The following PTPRD variants were observed in gnomAD, a reference collection of about 807,000 sequenced individuals.
PTPRD encodes the protein receptor-type tyrosine-protein phosphatase delta.
In PTPRD, 34 loss-of-function variants were observed where a neutral mutation model predicts 214.5. The observed-to-expected ratio is 0.16, with a 90% CI of 0.12 to 0.21. The LOEUF is 0.21. Among genes scored for constraint, PTPRD ranks in the 10% least tolerant of loss-of-function variants. The probability of loss-of-function intolerance (pLI) is 1.00; values close to 1 mark genes in which losing one functional copy is unlikely to be tolerated. For missense variants in PTPRD, 2,545 were observed against 2,398.7 expected (o/e 1.06, Z -1.27); for synonymous variants, 1,128 against 845.7 (o/e 1.33, Z -5.79).
intron 5 of PTPRD, among the ~76,000 whole-genome samples, chr9:9,824,073 T>A (rs2051792318): frequency 6.6e-6 from 1 of 151,974 alleles, no homozygotes. Context: ...TTATTAAAAA[T>A]ATTATATAAA....
intron 12 of PTPRD, among the ~76,000 whole-genome samples, chr9:8,708,685 A>C (rs2098262221): frequency 7.0e-6 from 1 of 142,928 alleles, no homozygotes; most frequent in South Asian, 2.4e-4. Context: ...GTCTCAAAAA[A>C]AAAAAAAAAA....
At chr9:10,391,326 A>G (rs10809082) in intron 2 of PTPRD, among the ~76,000 whole-genome samples, 129,438 of 151,586 alleles carry the variant, frequency 0.85, 55,272 homozygotes, top group East Asian at 0.89. Flanking sequence ...AAAATCTGAC[A>G]GTTTTCTTTT....
chr9:9,735,224 G>A (rs2098272279), intron 6 of PTPRD, among the ~76,000 whole-genome samples: 1 of 152,082 alleles, frequency 6.6e-6, no homozygotes, highest in Admixed American at 6.6e-5. Context: ...TATAAATGTT[G>A]TCTTGTGTAA....
intron 2 of PTPRD, among the ~76,000 whole-genome samples, chr9:10,511,922 A>G (rs2048218383): frequency 8.2e-6 from 1 of 121,380 alleles, no homozygotes; most frequent in Non-Finnish European, 1.8e-5. Flanking sequence ...ATACGTGTAT[A>G]TATATATACG....
At chr9:9,068,779 T>A (rs2099739327) in intron 10 of PTPRD, among the ~76,000 whole-genome samples, 2 of 152,126 alleles carry the variant, frequency 1.3e-5, no homozygotes, top group Non-Finnish European at 2.9e-5. Flanking sequence ...ACCTAGCTAA[T>A]TTTTGTATTT....
chr9:9,851,375 T>G (rs925460523), intron 5 of PTPRD, among the ~76,000 whole-genome samples: 5 of 152,188 alleles, frequency 3.3e-5, no homozygotes, highest in African/African-American at 7.2e-5. Context: ...CTGTTATATC[T>G]GTTCCATTGA....
intron 2 of PTPRD, among the ~76,000 whole-genome samples, chr9:10,386,214 G>C (rs1228920022): frequency 6.6e-6 from 1 of 151,782 alleles, no homozygotes; most frequent in Non-Finnish European, 1.5e-5. Flanking sequence ...ATGGCAGGTG[G>C]AAGAACCACC....
intron 3 of PTPRD, among the ~76,000 whole-genome samples, chr9:10,308,969 G>A (rs1433652414): frequency 6.6e-6 from 1 of 151,800 alleles, no homozygotes; most frequent in Non-Finnish European, 1.5e-5. Flanking sequence ...TATATTATGG[G>A]GCAAAATCCT....
chr9:9,395,881 CATT>C (rs2067605101), intron 9 of PTPRD, among the ~76,000 whole-genome samples: 1 of 152,068 alleles, frequency 6.6e-6, no homozygotes, highest in Non-Finnish European at 1.5e-5. Flanking sequence ...CCCCCACAAC[CATT>C]GTTGTTGCTT....
At chr9:10,088,449 G>A (rs1344152893) in intron 3 of PTPRD, among the ~76,000 whole-genome samples, 4 of 151,656 alleles carry the variant, frequency 2.6e-5, no homozygotes, top group Admixed American at 1.3e-4. Context: ...TTAGTGTTAG[G>A]ATCCTCTTAG....
At chr9:10,112,637 G>A (rs781068724) in intron 3 of PTPRD, among the ~76,000 whole-genome samples, 26 of 152,170 alleles carry the variant, frequency 1.7e-4, no homozygotes, top group Non-Finnish European at 3.5e-4. Flanking sequence ...CTCAGATAAA[G>A]TTAATTTGTT....
chr9:8,354,100 A>C (rs1322671471), intron 39 of PTPRD, among the ~76,000 whole-genome samples: 1 of 151,366 alleles, frequency 6.6e-6, no homozygotes, highest in Admixed American at 6.6e-5. Context: ...TTATTACATA[A>C]TAAATTGAAA....
intron 7 of PTPRD, among the ~76,000 whole-genome samples, chr9:9,623,501 T>C (rs944674914): frequency 2.0e-5 from 3 of 152,194 alleles, no homozygotes; most frequent in East Asian, 1.9e-4. Context: ...GGCTGAACCA[T>C]TGAATCACTG....
intron 9 of PTPRD, among the ~76,000 whole-genome samples, chr9:9,243,924 C>T (rs1440201057): frequency 6.6e-6 from 1 of 152,168 alleles, no homozygotes; most frequent in African/African-American, 2.4e-5. Flanking sequence ...CTTAAGCTGA[C>T]AAGCAACTTC....
At chr9:8,687,007 T>C (rs928360527) in intron 12 of PTPRD, among the ~76,000 whole-genome samples, 3 of 152,206 alleles carry the variant, frequency 2.0e-5, no homozygotes, top group Admixed American at 6.5e-5. Context: ...AACATTGCTT[T>C]TCACTCTCAT....
In PTPRD at chr9:8,925,671, A is replaced by G. The variant is rs74720913; in HGVS notation, c.-104+93026T>C. Among the ~76,000 whole-genome samples the G allele has an allele frequency of 1.2e-3, 186 of 148,984 alleles. 1 individual carries two copies. The highest frequency in any genetic ancestry group is 4.5e-3 in the African/African-American group (181 of 40,374). Reference sequence around the variant, plus strand: ...CGTGATATAAATAGTCTAAGCCAGTATCTTGGATGCCATCCTCAACTTTTC... The same window carrying G: ...CGTGATATAAATAGTCTAAGCCAGTGTCTTGGATGCCATCCTCAACTTTTC... On this transcript the variant is annotated intron_variant, in intron 11 of 45. Transcript: ENST00000381196.
intron 10 of PTPRD, among the ~76,000 whole-genome samples, chr9:9,081,473 T>C (rs547625806): frequency 6.1e-4 from 93 of 152,236 alleles, no homozygotes; most frequent in African/African-American, 2.0e-3. Context: ...TATATTCTGT[T>C]GATTTTGGGT....
At chr9:9,324,504 G>A (rs1323595516) in intron 9 of PTPRD, among the ~76,000 whole-genome samples, 1 of 152,108 alleles carries the variant, frequency 6.6e-6, no homozygotes, top group Non-Finnish European at 1.5e-5. Context: ...AGAAGTGTCT[G>A]TTCATATCCT....
At chr9:8,933,965 T>C (rs946134812) in intron 11 of PTPRD, among the ~76,000 whole-genome samples, 8 of 152,092 alleles carry the variant, frequency 5.3e-5, no homozygotes, top group African/African-American at 4.8e-5. Context: ...CCCCAGAATA[T>C]ATTTCCTTTT....
Sources: gnomAD v4.1 joint callset for allele counts (sites outside exome capture counted in the v4.1 genomes callset) on GRCh38, gnomAD v4.1.1 for gene constraint, MANE v1.5 for transcripts, NCBI Gene and HGNC (gene_info 2026-07-23, HGNC 2026-07-21) for gene names.